The following HSDL2 variants were observed in gnomAD, a reference collection of about 807,000 sequenced individuals.
The protein encoded by HSDL2 is hydroxysteroid dehydrogenase-like protein 2.
In HSDL2, 27 loss-of-function variants were observed where a neutral mutation model predicts 46.3. The observed-to-expected ratio is 0.58, with a 90% CI of 0.43 to 0.80. The LOEUF (loss-of-function observed/expected upper bound fraction) is 0.80. Among genes scored for constraint, HSDL2 ranks in the 30% least tolerant of loss-of-function variants. The probability of loss-of-function intolerance (pLI) is 0.00; values close to 1 mark genes in which losing one functional copy is unlikely to be tolerated. For synonymous variants in HSDL2, 153 were observed against 163.6 expected (o/e 0.94, Z 0.50); for missense variants, 451 against 502.7 (o/e 0.90, Z 0.98).
rs370627456 is a variant in HSDL2 at position 112,438,606 on chromosome 9, C to G, written c.774C>G (p.Asp258Glu). ...ILKEEGIENFDVYAIKPGHPL... is the reference protein window; with the variant it reads ...ILKEEGIENFEVYAIKPGHPL... ...AAGAAGAAGGAATAGAAAATTTTGA[C>G]GTTTATGCAATTAAACCAGGTAATG... The change falls in exon 7 of 11, where the codon GAC becomes GAG. Residue 258 changes from aspartate to glutamate, a missense_variant. Asp to Glu is a conservative substitution (Grantham distance 45, BLOSUM62 2). Coordinates refer to ENST00000398805, the MANE Select transcript of HSDL2 (RefSeq NM_032303.5). 1 of 1,587,540 alleles carries G rather than the reference C, an allele frequency of 6.3e-7. No homozygotes were observed. The highest frequency in any genetic ancestry group is 1.4e-5 in the African/African-American group (1 of 73,920).
At chr9:112,399,317 A>G (rs1831534906) in intron 1 of HSDL2, among the ~76,000 whole-genome samples, 1 of 152,188 alleles carries the variant, frequency 6.6e-6, no homozygotes, top group Non-Finnish European at 1.5e-5. Flanking sequence ...GAGTAGGTAC[A>G]AAGATCACAT....
At chr9:112,454,780 A>G (rs1832977220) in intron 9 of HSDL2, among the ~76,000 whole-genome samples, 3 of 151,404 alleles carry the variant, frequency 2.0e-5, no homozygotes, top group Non-Finnish European at 4.4e-5. Flanking sequence ...ATCTGGGCTC[A>G]CTGCAACCTC....
Position 112,471,600 on chromosome 9 carries a change from G to C in HSDL2, c.*1056G>C, listed in dbSNP as rs1165223764. 1.3e-5 allele frequency: 2 copies of C among 152,230 alleles called. No individual in the cohort carries two copies. The highest frequency in any genetic ancestry group is 4.8e-5 in the African/African-American group (2 of 41,426). 9.4% of individuals were successfully genotyped at this position (152,230 alleles called of 1,614,324 possible). ...CCGTCCACTGTGGGAGGCCGACGCAGGAGGATTGCTTGAGGCCAGGAGTTC... is the reference window on the plus strand; with the variant it reads ...CCGTCCACTGTGGGAGGCCGACGCACGAGGATTGCTTGAGGCCAGGAGTTC... On this transcript the variant is annotated 3_prime_UTR_variant, in exon 11 of 11. Transcript: ENST00000398805.
chr9:112,405,558 T>C (rs2132623172), intron 2 of HSDL2, 66 bp from the exon 3 acceptor site: 2 of 1,109,120 alleles, frequency 1.8e-6, no homozygotes, highest in East Asian at 4.8e-5. Context: ...TTGACTGTGA[T>C]ATTGGAATTA....
At chr9:112,389,176 A>C (rs1438283513) in intron 1 of HSDL2, among the ~76,000 whole-genome samples, 1 of 152,152 alleles carries the variant, frequency 6.6e-6, no homozygotes, top group Non-Finnish European at 1.5e-5. Flanking sequence ...ACAGGCACAC[A>C]CTGCCACACA....
chr9:112,442,120 T>TA (rs1325204548), intron 8 of HSDL2, among the ~76,000 whole-genome samples: 1 of 150,428 alleles, frequency 6.6e-6, no homozygotes, highest in Non-Finnish European at 1.5e-5. Flanking sequence ...AAAAAAAAAA[T>TA]ACGTTGGGCG....
chr9:112,408,031 T>TTG (rs773659507), intron 3 of HSDL2, among the ~76,000 whole-genome samples: 6 of 152,242 alleles, frequency 3.9e-5, no homozygotes, highest in Non-Finnish European at 5.9e-5. Context: ...GGTTTATTTT[T>TTG]TGTGTGTGTG....
intron 1 of HSDL2, among the ~76,000 whole-genome samples, chr9:112,396,117 T>C (rs560830911): frequency 1.2e-4 from 19 of 152,132 alleles, no homozygotes; most frequent in African/African-American, 4.1e-4. Context: ...ACTATAAGAG[T>C]TATGTGGAAT....
chr9:112,408,971 C>T lies in HSDL2; in HGVS notation c.345C>T (p.Thr115=). 6.2e-7 allele frequency: 1 copy of T among 1,609,610 alleles called. No homozygotes were observed. Among genetic ancestry groups the T allele is most frequent in the Admixed American group, 1.7e-5 (1 of 59,540 alleles). The stretch of plus-strand genomic sequence containing the variant: ...TGACCAATACATTGGACACACCTAC[C>T]AAGAGATTGGATCTGATGATGAACG... ...ISLTNTLDTP[T]KRLDLMMNVN... The change falls in exon 4 of 11, where the codon ACC becomes ACT. Residue 115 remains threonine (T), a synonymous_variant. Coordinates refer to ENST00000398805, the MANE Select transcript of HSDL2 (RefSeq NM_032303.5).
chr9:112,442,347 A>G (rs1832659643), intron 8 of HSDL2, among the ~76,000 whole-genome samples: 2 of 151,282 alleles, frequency 1.3e-5, no homozygotes, highest in Admixed American at 6.6e-5. Context: ...GTCTGAAAAA[A>G]CTTTTTTTTA....
At chr9:112,426,234 CTTTTTT>C (rs71382430) in intron 6 of HSDL2, among the ~76,000 whole-genome samples, 1 of 95,774 alleles carries the variant, frequency 1.0e-5, no homozygotes. Context: ...GGTAAGCCTT[CTTTTTT>C]TTTTTTTTTT....
At chr9:112,469,243 TATATA>T (rs1249408176) in intron 10 of HSDL2, among the ~76,000 whole-genome samples, 4 of 151,736 alleles carry the variant, frequency 2.6e-5, no homozygotes, top group African/African-American at 7.3e-5. Context: ...ATATAATATA[TATATA>T]ATATATTAAC....
Position 112,406,562 on chromosome 9 carries a change from C to T in HSDL2, c.280+840C>T, listed in dbSNP as rs535800268. ...CTCGGCTCACTGCAACCTCTGCCTCCTGGGTTCAAGCGATTCTCCTGCCTC... is the reference window on the plus strand; with the variant it reads ...CTCGGCTCACTGCAACCTCTGCCTCTTGGGTTCAAGCGATTCTCCTGCCTC... On this transcript the variant is annotated intron_variant, in intron 3 of 10. Coordinates refer to ENST00000398805, the MANE Select transcript of HSDL2 (RefSeq NM_032303.5). 2.6e-5 allele frequency among the ~76,000 whole-genome samples: 4 copies of T among 151,804 alleles called. No individual in the cohort carries two copies. The South Asian group carries it at 8.3e-4, about 32-fold the overall frequency.
At chr9:112,400,538 C>T (rs1471106713) in intron 1 of HSDL2, among the ~76,000 whole-genome samples, 4 of 152,286 alleles carry the variant, frequency 2.6e-5, no homozygotes, top group Middle Eastern at 3.4e-3. Context: ...ACCTGGGAGG[C>T]GGAGGTTGCA....
chr9:112,393,275 G>T (rs144444577), intron 1 of HSDL2, among the ~76,000 whole-genome samples: 1 of 152,144 alleles, frequency 6.6e-6, no homozygotes. Context: ...ATTTAGTTAC[G>T]TCCAAGGATA....
intron 6 of HSDL2, among the ~76,000 whole-genome samples, chr9:112,436,933 T>G (rs1259477425): frequency 6.6e-6 from 1 of 151,382 alleles, no homozygotes; most frequent in African/African-American, 2.4e-5. Flanking sequence ...AATTTTTTCC[T>G]TTTACTTCTC....
chr9:112,463,193 T>C (rs1833265836), intron 10 of HSDL2, among the ~76,000 whole-genome samples: 2 of 152,190 alleles, frequency 1.3e-5, no homozygotes, highest in Admixed American at 6.5e-5. Context: ...GGATATTTGT[T>C]TTCATTTTTC....
chr9:112,385,007 C>T (rs1320633733), intron 1 of HSDL2, among the ~76,000 whole-genome samples: 1 of 152,066 alleles, frequency 6.6e-6, no homozygotes, highest in African/African-American at 2.4e-5. Context: ...TAACCTTGCT[C>T]AGGGGTGTCT....
chr9:112,422,859 A>G (rs1477851712), intron 6 of HSDL2, among the ~76,000 whole-genome samples: 1 of 152,232 alleles, frequency 6.6e-6, no homozygotes, highest in East Asian at 1.9e-4. Flanking sequence ...GGCAGAATAT[A>G]TGTTACTTAC....
Sources: gnomAD v4.1 joint callset for allele counts (sites outside exome capture counted in the v4.1 genomes callset) on GRCh38, gnomAD v4.1.1 for gene constraint, MANE v1.5 for transcripts, NCBI Gene and HGNC (gene_info 2026-07-23, HGNC 2026-07-21) for gene names.